CDH13: variants seen among roughly 807,000 people sequenced by gnomAD.
CDH13 encodes cadherin 13.
In CDH13, 24 loss-of-function variants were observed where a neutral mutation model predicts 63.8. The ratio of observed to expected loss-of-function variants is 0.38; its 90% CI spans 0.27 to 0.53. CDH13 has a LOEUF of 0.53. Among genes scored for constraint, CDH13 ranks in the 20% least tolerant of loss-of-function variants. The pLI is 0.85. For synonymous variants in CDH13, 503 were observed against 355.3 expected, an observed-to-expected ratio of 1.42 and a Z score of -4.67; for missense variants, 1,049 against 903.1, an observed-to-expected ratio of 1.16 and a Z score of -2.07.
intron 6 of CDH13, among the ~76,000 whole-genome samples, chr16:83,419,521 C>T (rs2071652156): frequency 6.6e-6 from 1 of 152,134 alleles, no homozygotes; most frequent in Non-Finnish European, 1.5e-5. Context: ...TAATGATAGC[C>T]AACCAAGACA....
intron 8 of CDH13, among the ~76,000 whole-genome samples, chr16:83,660,908 G>C (rs1913381974): frequency 6.8e-6 from 1 of 146,932 alleles, no homozygotes; most frequent in Non-Finnish European, 1.5e-5. Context: ...ATGAAATAAA[G>C]TATCCAAGCC....
intron 7 of CDH13, among the ~76,000 whole-genome samples, chr16:83,591,598 T>G (rs1431330985): frequency 6.6e-6 from 1 of 152,166 alleles, no homozygotes; most frequent in Non-Finnish European, 1.5e-5. Flanking sequence ...ATGTCTCCAC[T>G]CTTATTCCCA....
At chr16:82,916,138 A>C (rs1002233340) in intron 2 of CDH13, among the ~76,000 whole-genome samples, 4 of 152,198 alleles carry the variant, frequency 2.6e-5, no homozygotes, top group Non-Finnish European at 5.9e-5. Flanking sequence ...GTTCAATTCC[A>C]TAAAGCAAGC....
intron 11 of CDH13, among the ~76,000 whole-genome samples, chr16:83,774,429 G>C (rs184999315): frequency 2.0e-5 from 3 of 152,056 alleles, no homozygotes; most frequent in Non-Finnish European, 4.4e-5. Context: ...CTGGAGTGCA[G>C]TGGTGCAGTC....
chr16:82,767,850 T>A (rs1267412301), intron 1 of CDH13, among the ~76,000 whole-genome samples: 2 of 152,194 alleles, frequency 1.3e-5, no homozygotes, highest in African/African-American at 4.8e-5. Context: ...GCACTGGCAC[T>A]GAGGGTCCAT....
At chr16:82,804,771 A>G (rs1021902612) in intron 1 of CDH13, among the ~76,000 whole-genome samples, 20 of 152,306 alleles carry the variant, frequency 1.3e-4, no homozygotes, top group Non-Finnish European at 2.5e-4. Context: ...AGAAAACACT[A>G]TGAATTCATG....
At chr16:83,312,160 C>T (rs115174327) in intron 5 of CDH13, among the ~76,000 whole-genome samples, 2,587 of 151,996 alleles carry the variant, frequency 0.017, 70 homozygotes, top group African/African-American at 0.056. Context: ...ATTTTCTGCC[C>T]TTGATTGCAC....
intron 5 of CDH13, among the ~76,000 whole-genome samples, chr16:83,283,073 G>A (rs2089221174): frequency 6.6e-6 from 1 of 152,210 alleles, no homozygotes; most frequent in Admixed American, 6.5e-5. Context: ...CCCACTTAAT[G>A]ATGGGGCTGC....
intron 10 of CDH13, among the ~76,000 whole-genome samples, chr16:83,743,203 G>A (rs1306915527): frequency 1.3e-5 from 2 of 151,564 alleles, no homozygotes; most frequent in South Asian, 2.1e-4. Flanking sequence ...GCAAGACTCC[G>A]TCTCAAAAAA....
chr16:83,615,968 T>G (rs953652571), intron 8 of CDH13, among the ~76,000 whole-genome samples: 1 of 152,194 alleles, frequency 6.6e-6, no homozygotes, highest in Non-Finnish European at 1.5e-5. Flanking sequence ...AATCATCAAC[T>G]AAATCTTCCA....
intron 1 of CDH13, chr16:82,646,189 A>C (rs1303519220): frequency 6.6e-6 from 1 of 152,220 alleles, no homozygotes; most frequent in East Asian, 1.9e-4. Context: ...TGCTTTAAAC[A>C]CATTATTGTT....
At chr16:82,845,871 C>T (rs550996218) in intron 1 of CDH13, among the ~76,000 whole-genome samples, 1 of 152,336 alleles carries the variant, frequency 6.6e-6, no homozygotes, top group African/African-American at 2.4e-5. Context: ...AGTGTAGTAA[C>T]TTAAATTCTT....
Position 82,720,416 on chromosome 16 carries a change from A to T in CDH13, c.45+93279A>T, listed in dbSNP as rs185693312. On this transcript the variant is annotated intron_variant, in intron 1 of 13. Transcript: ENST00000567109. ...TCACCTTCCAAATTGCTTAGTCTAT[A>T]ATAGTTTAGGGTCTTGGGTGGCCAA... Among the ~76,000 whole-genome samples, 6 of 152,310 alleles carry T rather than the reference A, an allele frequency of 3.9e-5. No homozygotes were observed. In the East Asian group the frequency reaches 1.2e-3, roughly 29 times the overall value.
intron 7 of CDH13, among the ~76,000 whole-genome samples, chr16:83,549,400 A>G (rs920481628): frequency 6.6e-6 from 1 of 152,204 alleles, no homozygotes; most frequent in African/African-American, 2.4e-5. Flanking sequence ...TTTTGAACAA[A>G]TTAAGTTGTG....
At chr16:83,232,210 T>TTTTC (rs1162079226) in intron 5 of CDH13, among the ~76,000 whole-genome samples, 3 of 2,062 alleles carry the variant, frequency 1.5e-3, no homozygotes, top group Admixed American at 8.6e-3. Flanking sequence ...AAGTGTTTTC[T>TTTTC]TTTTTTTTTT....
intron 6 of CDH13, among the ~76,000 whole-genome samples, chr16:83,390,358 T>C (rs978090880): frequency 7.2e-5 from 11 of 152,252 alleles, no homozygotes; most frequent in Non-Finnish European, 1.3e-4. Context: ...TTTACGTAGA[T>C]ACTATGGAGG....
chr16:83,268,800 G>C (rs1482470594), intron 5 of CDH13, among the ~76,000 whole-genome samples: 4 of 152,172 alleles, frequency 2.6e-5, no homozygotes, highest in Admixed American at 6.5e-5. Flanking sequence ...CTGGGCACAG[G>C]TTCCTAAGGA....
intron 10 of CDH13, among the ~76,000 whole-genome samples, chr16:83,705,324 T>A (rs1190760593): frequency 1.3e-5 from 2 of 152,036 alleles, no homozygotes; most frequent in Non-Finnish European, 1.5e-5. Flanking sequence ...TTGACTTTTT[T>A]AAAAAAAGAA....
At chr16:83,403,682 T>A (rs2092002029) in intron 6 of CDH13, among the ~76,000 whole-genome samples, 1 of 152,008 alleles carries the variant, frequency 6.6e-6, no homozygotes, top group African/African-American at 2.4e-5. Flanking sequence ...GAGTGAGCAG[T>A]CCCCAGTGGA....
Sources: gnomAD v4.1 joint callset for allele counts (sites outside exome capture counted in the v4.1 genomes callset) on GRCh38, gnomAD v4.1.1 for gene constraint, MANE v1.5 for transcripts, NCBI Gene and HGNC (gene_info 2026-07-23, HGNC 2026-07-21) for gene names.